GALNT17: variants seen among roughly 807,000 people sequenced by gnomAD.
GALNT17 encodes polypeptide N-acetylgalactosaminyltransferase 17, also known as UDP-GalNAc:polypeptide N-acetylgalactosaminyltransferase-like 3.
GALNT17 carries 29 observed loss-of-function variants against 63.7 expected under a neutral mutation model. The observed-to-expected ratio is 0.46, with a 90% confidence interval of 0.34 to 0.62. The LOEUF is 0.62. Among genes scored for constraint, GALNT17 ranks in the 20% least tolerant of loss-of-function variants. GALNT17 has a pLI of 0.01. For missense variants in GALNT17, 603 were observed against 799.6 expected (o/e 0.75, Z 2.97); for synonymous variants, 305 against 318.3 (o/e 0.96, Z 0.45).
At chr7:71,456,711 T>C (rs1405037410) in intron 5 of GALNT17, among the ~76,000 whole-genome samples, 1 of 151,892 alleles carries the variant, frequency 6.6e-6, no homozygotes, top group African/African-American at 2.4e-5. Context: ...AAGGATCTAA[T>C]GGCATTCTTG....
rs1584125381 is a variant in GALNT17, at chr7:71,670,206, A to G, written c.1404+97A>G. 3 of 1,562,306 alleles carry G rather than the reference A, an allele frequency of 1.9e-6. No individual in the cohort carries two copies. In the East Asian group the frequency reaches 6.8e-5, roughly 35 times the overall value. On this transcript the variant is annotated intron_variant, in intron 8 of 10. Transcript: ENST00000333538. The stretch of plus-strand genomic sequence containing the variant: ...AATAGAGTTGCTCATTCATTCATTC[A>G]ATGAGTGGTTTTTGGAGGTGCTGGC...
intron 9 of GALNT17, among the ~76,000 whole-genome samples, chr7:71,691,596 A>G (rs1325939701): frequency 1.3e-5 from 2 of 152,196 alleles, no homozygotes; most frequent in African/African-American, 2.4e-5. Flanking sequence ...GGAAATCACA[A>G]TGACAGACAT....
At chr7:71,690,019 C>CTTTTTTTT (rs36049127) in intron 9 of GALNT17, among the ~76,000 whole-genome samples, 3 of 142,826 alleles carry the variant, frequency 2.1e-5, no homozygotes, top group African/African-American at 2.6e-5. Flanking sequence ...TACTGAATAT[C>CTTTTTTTT]TTTTTTTTTT....
chr7:71,661,086 G>T, intron 6 of GALNT17, among the ~76,000 whole-genome samples: 1 of 152,158 alleles, frequency 6.6e-6, no homozygotes, highest in Non-Finnish European at 1.5e-5. Context: ...TGTCCTCACT[G>T]TTTCCCCTGC....
In GALNT17 at chr7:71,572,518, A is replaced by AAAC. The variant is rs1196628668; in HGVS notation, c.1080+1118_1080+1119insCAA. On this transcript the variant is annotated intron_variant, in intron 6 of 10. Coordinates refer to ENST00000333538, the MANE Select transcript of GALNT17 (RefSeq NM_022479.3). ...CCCTGTCTCATTAAAAAAAAAAAAA[A>AAAC]AAAAAAAAAAAACTACATGTTTAAG... Among the ~76,000 whole-genome samples the AAAC allele has an allele frequency of 2.6e-3, 389 of 148,922 alleles. 13 individuals carry two copies. The highest frequency in any genetic ancestry group is 9.6e-3 in the African/African-American group (384 of 40,206).
intron 5 of GALNT17, among the ~76,000 whole-genome samples, chr7:71,554,544 T>C (rs1789131230): frequency 6.6e-6 from 1 of 152,198 alleles, no homozygotes; most frequent in Admixed American, 6.5e-5. Context: ...CAGGATTTCC[T>C]ACAGGCCAGG....
chr7:71,266,052 TG>T (rs1426620947), intron 1 of GALNT17, among the ~76,000 whole-genome samples: 1 of 152,188 alleles, frequency 6.6e-6, no homozygotes, highest in Non-Finnish European at 1.5e-5. Context: ...CCTTGGCTTA[TG>T]GCCGCATCAC....
intron 5 of GALNT17, among the ~76,000 whole-genome samples, chr7:71,487,211 T>G (rs1787926003): frequency 1.3e-5 from 2 of 152,200 alleles, no homozygotes; most frequent in African/African-American, 4.8e-5. Flanking sequence ...CAGAGCTTGC[T>G]GCCAGGGATG....
chr7:71,156,414 C>T (rs1228646550), intron 1 of GALNT17, among the ~76,000 whole-genome samples: 1 of 151,748 alleles, frequency 6.6e-6, no homozygotes, highest in Admixed American at 6.6e-5. Context: ...TGGGAATATA[C>T]ACATTTTTCT....
At chr7:71,427,663 G>A (rs1786784217) in intron 5 of GALNT17, among the ~76,000 whole-genome samples, 1 of 152,018 alleles carries the variant, frequency 6.6e-6, no homozygotes, top group Non-Finnish European at 1.5e-5. Context: ...CTCAACCCCT[G>A]AGTTGCGGAC....
intron 6 of GALNT17, among the ~76,000 whole-genome samples, chr7:71,596,632 T>A (rs1789890746): frequency 6.6e-6 from 1 of 152,030 alleles, no homozygotes; most frequent in South Asian, 2.1e-4. Context: ...TCCTGCTTCC[T>A]CTGTGCAATG....
At chr7:71,314,277 G>A (rs1218306909) in intron 1 of GALNT17, among the ~76,000 whole-genome samples, 1 of 152,104 alleles carries the variant, frequency 6.6e-6, no homozygotes, top group African/African-American at 2.4e-5. Flanking sequence ...GTGTGTCCGT[G>A]TCCATGACAC....
intron 1 of GALNT17, among the ~76,000 whole-genome samples, chr7:71,158,641 A>G (rs908226818): frequency 2.6e-5 from 4 of 151,580 alleles, no homozygotes; most frequent in Non-Finnish European, 5.9e-5. Context: ...CAGTGGCACA[A>G]TCTTGGCTAA....
At chr7:71,614,067 A>G (rs1790163593) in intron 6 of GALNT17, among the ~76,000 whole-genome samples, 1 of 152,180 alleles carries the variant, frequency 6.6e-6, no homozygotes. Context: ...CTCATAGTGC[A>G]GGATTTTATG....
chr7:71,432,990 T>C (rs1786895401), intron 5 of GALNT17, among the ~76,000 whole-genome samples: 1 of 152,150 alleles, frequency 6.6e-6, no homozygotes, highest in Non-Finnish European at 1.5e-5. Flanking sequence ...TTTGTATTTT[T>C]AGTAGAGACA....
chr7:71,326,007 A>G (rs1791697924), intron 1 of GALNT17, among the ~76,000 whole-genome samples: 1 of 152,130 alleles, frequency 6.6e-6, no homozygotes, highest in Non-Finnish European at 1.5e-5. Context: ...TTTATTTTCT[A>G]GCTTAATATC....
intron 1 of GALNT17, among the ~76,000 whole-genome samples, chr7:71,263,926 A>G (rs1209418653): frequency 1.3e-5 from 2 of 152,190 alleles, no homozygotes; most frequent in African/African-American, 2.4e-5. Context: ...TCCGTCCCAA[A>G]AAAACAAAAA....
At chr7:71,699,924 C>A (rs1057378883) in intron 9 of GALNT17, among the ~76,000 whole-genome samples, 7 of 151,680 alleles carry the variant, frequency 4.6e-5, no homozygotes, top group Admixed American at 3.3e-4. Context: ...TGGAGTGAGA[C>A]CCCTGTCTCA....
chr7:71,196,766 G>T (rs893718997), intron 1 of GALNT17, among the ~76,000 whole-genome samples: 2 of 152,058 alleles, frequency 1.3e-5, no homozygotes, highest in Non-Finnish European at 2.9e-5. Context: ...CGATTCTCCT[G>T]CCTCAGCCTC....
Sources: gnomAD v4.1 joint callset for allele counts (sites outside exome capture counted in the v4.1 genomes callset) on GRCh38, gnomAD v4.1.1 for gene constraint, MANE v1.5 for transcripts, NCBI Gene and HGNC (gene_info 2026-07-23, HGNC 2026-07-21) for gene names.